Variants in ALG6 observed in about 807,000 individuals in gnomAD.
The protein encoded by ALG6 is ALG6 alpha-1,3-glucosyltransferase.
A neutral mutation model predicts 66.6 loss-of-function variants in ALG6; 46 were observed. The ratio of observed to expected loss-of-function variants is 0.69; its 90% CI spans 0.55 to 0.88. The LOEUF (loss-of-function observed/expected upper bound fraction) is 0.88. Ranked by LOEUF, ALG6 falls within the 40% of genes least tolerant of loss-of-function variation. The pLI is 0.00. For synonymous variants in ALG6, 185 were observed against 203.7 expected (o/e 0.91, Z 0.78); for missense variants, 505 against 586.8 (o/e 0.86, Z 1.44).
At chr1:63,371,370 T>C (rs1647919413) in intron 2 of ALG6, 1 of 352,530 alleles carries the variant, frequency 2.8e-6, no homozygotes. Context: ...GGGTGGAGTC[T>C]GTTTAGGGTA....
intron 2 of ALG6, among the ~76,000 whole-genome samples, chr1:63,387,532 C>CTCTTTTT (rs780187352): frequency 1.7e-5 from 1 of 59,476 alleles, no homozygotes; most frequent in Non-Finnish European, 3.0e-5. Flanking sequence ...TTGTCTTTCT[C>CTCTTTTT]TTTTTTTTTT....
intron 2 of ALG6, among the ~76,000 whole-genome samples, chr1:63,386,552 G>A (rs1029676737): frequency 3.9e-5 from 6 of 152,050 alleles, no homozygotes; most frequent in African/African-American, 7.2e-5. Context: ...TAGGTTGTAC[G>A]TGTCTAGGAA....
At chr1:63,400,507 A>C (rs888585340) in intron 3 of ALG6, among the ~76,000 whole-genome samples, 3 of 150,938 alleles carry the variant, frequency 2.0e-5, no homozygotes, top group Non-Finnish European at 2.9e-5. Flanking sequence ...AATTTCCATA[A>C]GAATGGGGAG....
chr1:63,429,057 A>T lies in ALG6; in HGVS notation c.1257A>T (p.Lys419Asn). 6.2e-7 allele frequency: 1 copy of T among 1,606,098 alleles called. No homozygotes were observed. The change falls in exon 14 of 15, where the codon AAA (lysine) becomes AAT (asparagine). Residue 419 changes from lysine (K) to asparagine (N), a missense_variant. By Grantham distance (94) the Lys-to-Asn change is moderately conservative. Transcript: ENST00000263440. ...CTTCTGAAGAAGAACTGCAGTTGAA[A>T]TCCTTTTCCATTTCTGTGAGGAAAT... ...EKTSEEELQL[K>N]SFSISVRKYL...
chr1:63,413,298 A>G (rs1009139890), intron 9 of ALG6, among the ~76,000 whole-genome samples: 4 of 152,168 alleles, frequency 2.6e-5, no homozygotes, highest in Non-Finnish European at 5.9e-5. Flanking sequence ...CTGCCTAATT[A>G]TTTGCCTTAC....
At chr1:63,414,754 A>T (rs6689283) in intron 10 of ALG6, among the ~76,000 whole-genome samples, 5 of 151,970 alleles carry the variant, frequency 3.3e-5, no homozygotes, top group African/African-American at 7.3e-5. Context: ...TCCAAGAAGT[A>T]GGAGTAGGAG....
At position 63,436,974 on chromosome 1, in the gene ALG6, T is replaced by G; in HGVS notation, c.1478T>G (p.Ile493Ser). ...LFFLVYFNII[I>S]MWDSKSGRNQ... ...TTCTTGGTATACTTTAACATTATTA[T>G]TATGTGGGATTCCAAAAGTGGAAGA... Residue 493 changes from isoleucine (I) to serine (S), a missense_variant, in exon 15 of 15, where the codon ATT becomes AGT. Transcript: ENST00000263440. The G allele has an allele frequency of 1.2e-6, 2 of 1,613,600 alleles. No homozygotes were observed. The highest frequency in any genetic ancestry group is 1.7e-4 in the Middle Eastern group (1 of 6,058).
intron 10 of ALG6, 142 bp from the exon 11 acceptor site, chr1:63,415,725 CTTTAAA>C (rs1432956554): frequency 2.0e-6 from 1 of 501,246 alleles, no homozygotes; most frequent in East Asian, 3.5e-5. Context: ...GTTATTTCAT[CTTTAAA>C]TTTAATAAAT....
In ALG6 at chr1:63,419,961, T is replaced by A. The variant is rs563428756; in HGVS notation, c.1058+521T>A. On this transcript the variant is annotated intron_variant, in intron 12 of 14. Transcript: ENST00000263440. ...TTCATAGAAAGCAGTGGATGACAGC[T>A]GGGAGTATGATATCCTAATATTAAA... Among the ~76,000 whole-genome samples the A allele has an allele frequency of 1.3e-4, 20 of 152,340 alleles. No homozygotes were observed. The South Asian group carries it at 3.9e-3, about 30-fold the overall frequency.
chr1:63,397,377 G>A (rs1449330163), intron 3 of ALG6, among the ~76,000 whole-genome samples: 1 of 152,034 alleles, frequency 6.6e-6, no homozygotes, highest in Non-Finnish European at 1.5e-5. Context: ...AGTAGAGACA[G>A]GGTTTCACCA....
At chr1:63,418,235 A>G (rs1557593469) in intron 11 of ALG6, among the ~76,000 whole-genome samples, 1 of 150,610 alleles carries the variant, frequency 6.6e-6, no homozygotes, top group East Asian at 1.9e-4. Context: ...GAAGGTTTCT[A>G]TAGTTTAGGG....
Position 63,404,444 on chromosome 1 carries a change from G to C in ALG6, c.258-9G>C, listed in dbSNP as rs771058506. The C allele has an allele frequency of 6.2e-7, 1 of 1,610,830 alleles. No individual in the cohort carries two copies. The highest frequency in any genetic ancestry group is 8.5e-7 in the Non-Finnish European group (1 of 1,177,116). On this transcript the variant is annotated splice_polypyrimidine_tract_variant and intron_variant, in intron 4 of 14. Transcript: ENST00000263440. ...AATGAAGTATCTGTATATATGCTTTGATTTGCAGGGCAAAGTTTATAAATC... is the reference window on the plus strand; with the variant it reads ...AATGAAGTATCTGTATATATGCTTTCATTTGCAGGGCAAAGTTTATAAATC...
At chr1:63,385,005 C>T (rs1276492257) in intron 2 of ALG6, among the ~76,000 whole-genome samples, 2 of 151,832 alleles carry the variant, frequency 1.3e-5, no homozygotes, top group Non-Finnish European at 2.9e-5. Flanking sequence ...TTTTCTATTT[C>T]TGTGAGGAAT....
At chr1:63,409,348 T>C (rs1644505480) in intron 7 of ALG6, among the ~76,000 whole-genome samples, 1 of 152,182 alleles carries the variant, frequency 6.6e-6, no homozygotes. Context: ...CCAAACCGTA[T>C]ATGGGTCCAT....
chr1:63,428,983 A>G lies in ALG6; in HGVS notation c.1183A>G (p.Met395Val), dbSNP rs1644631404. The change falls in exon 14 of 15, where the codon ATG becomes GTG. Residue 395 changes from methionine to valine, a missense_variant. Met to Val is a conservative substitution (Grantham distance 21). Coordinates refer to ENST00000263440, the MANE Select transcript of ALG6 (RefSeq NM_013339.4). ...ELLMPSVVTT[M>V]AFFIACVTSF... is the part of the protein sequence containing the mutation. ...CCTAATGCCCTCTGTTGTGACAACA[A>G]TGGCATTTTTTATAGCTTGTGTAAC... The G allele has an allele frequency of 4.3e-6, 7 of 1,613,098 alleles. No homozygotes were observed. Among genetic ancestry groups the G allele is most frequent in the Non-Finnish European group, 5.9e-6 (7 of 1,179,684 alleles).
chr1:63,429,216 T>G, intron 14 of ALG6, 90 bp downstream of exon 14: 1 of 955,112 alleles, frequency 1.0e-6, no homozygotes, highest in East Asian at 2.6e-5. Flanking sequence ...TATACCTTTT[T>G]GAGATATAAT....
At chr1:63,403,893 G>A (rs189805914) in intron 4 of ALG6, among the ~76,000 whole-genome samples, 32 of 152,162 alleles carry the variant, frequency 2.1e-4, no homozygotes, top group Admixed American at 1.8e-3. Flanking sequence ...GTCGTTATGC[G>A]GTGTCGTTAT....
At chr1:63,406,527 C>T (rs567767462) in intron 6 of ALG6, 128 bp downstream of exon 6, 41 of 799,612 alleles carry the variant, frequency 5.1e-5, no homozygotes, top group Non-Finnish European at 7.9e-5. Context: ...TATCTTCTAT[C>T]AATTTTCACT....
At chr1:63,416,035 G>A (rs1201426033) in intron 11 of ALG6, 78 bp downstream of exon 11, 1 of 1,043,368 alleles carries the variant, frequency 9.6e-7, no homozygotes, top group African/African-American at 1.6e-5. Flanking sequence ...GTCTGCACAG[G>A]ATTTATTGGG....
Sources: gnomAD v4.1 joint callset for allele counts (sites outside exome capture counted in the v4.1 genomes callset) on GRCh38, gnomAD v4.1.1 for gene constraint, MANE v1.5 for transcripts, NCBI Gene and HGNC (gene_info 2026-07-23, HGNC 2026-07-21) for gene names.